HS3ST4: variants seen among roughly 807,000 people sequenced by gnomAD.
HS3ST4 encodes the protein heparan sulfate-glucosamine 3-sulfotransferase 4, also known as heparan sulfate glucosamine 3-O-sulfotransferase 4.
In HS3ST4, 17 loss-of-function variants were observed where a neutral mutation model predicts 29.2. The observed-to-expected ratio is 0.58, with a 90% CI of 0.40 to 0.87. The LOEUF is 0.87. HS3ST4 is among the 40% of genes least tolerant of loss of function. The pLI is 0.00. For synonymous variants in HS3ST4, 314 were observed against 285.7 expected, an observed-to-expected ratio of 1.10 and a Z score of -1.00; for missense variants, 627 against 634.5, an observed-to-expected ratio of 0.99 and a Z score of 0.13.
intron 1 of HS3ST4, among the ~76,000 whole-genome samples, chr16:26,084,193 A>G (rs1479273214): frequency 6.6e-6 from 1 of 152,082 alleles, no homozygotes; most frequent in Non-Finnish European, 1.5e-5. Flanking sequence ...CATCCTTCAG[A>G]TGTCTATGAG....
chr16:25,984,428 G>T (rs113895644), intron 1 of HS3ST4, among the ~76,000 whole-genome samples: 3,097 of 152,290 alleles, frequency 0.02, 123 homozygotes, highest in African/African-American at 0.071. Flanking sequence ...AGGAGGTGGA[G>T]CTCAGGGGAT....
chr16:26,078,202 A>G (rs4238939), intron 1 of HS3ST4, among the ~76,000 whole-genome samples: 89,037 of 151,862 alleles, frequency 0.59, 26,736 homozygotes, highest in Middle Eastern at 0.69. Context: ...GTGCAGTGGC[A>G]TGATCTCGGC....
intron 1 of HS3ST4, among the ~76,000 whole-genome samples, chr16:25,757,698 G>A (rs532685566): frequency 9.2e-5 from 14 of 151,846 alleles, no homozygotes; most frequent in Non-Finnish European, 1.6e-4. Context: ...CTTGTCAGGT[G>A]TCTAATTTAG....
chr16:25,753,111 G>T (rs1018154785), intron 1 of HS3ST4, among the ~76,000 whole-genome samples: 16 of 152,198 alleles, frequency 1.1e-4, no homozygotes, highest in Non-Finnish European at 1.0e-4. Context: ...CTGCCAAGGG[G>T]AAGTCAGTCT....
At chr16:26,073,589 T>C (rs1203395451) in intron 1 of HS3ST4, among the ~76,000 whole-genome samples, 5 of 152,164 alleles carry the variant, frequency 3.3e-5, no homozygotes, top group East Asian at 1.9e-4. Context: ...CCCAAGCTGG[T>C]CTCAAACTCC....
chr16:26,059,322 C>T (rs1898448057), intron 1 of HS3ST4, among the ~76,000 whole-genome samples: 1 of 151,844 alleles, frequency 6.6e-6, no homozygotes, highest in Non-Finnish European at 1.5e-5. Context: ...TCTCTCCTTG[C>T]CTCTCTCTCT....
intron 1 of HS3ST4, among the ~76,000 whole-genome samples, chr16:26,029,557 C>T (rs961897301): frequency 6.6e-6 from 1 of 152,142 alleles, no homozygotes; most frequent in Non-Finnish European, 1.5e-5. Flanking sequence ...GGGTTACAGG[C>T]ATGCGCCACC....
chr16:25,956,929 T>C (rs8059067), intron 1 of HS3ST4, among the ~76,000 whole-genome samples: 74,208 of 145,446 alleles, frequency 0.51, 18,846 homozygotes, highest in African/African-American at 0.6. Context: ...ACCCGGGAGG[T>C]GGAGCTTGCA....
At chr16:25,695,774 A>G (rs1199773577) in intron 1 of HS3ST4, among the ~76,000 whole-genome samples, 1 of 152,258 alleles carries the variant, frequency 6.6e-6, no homozygotes. Flanking sequence ...TTGACTGATT[A>G]GAGATCCACA....
chr16:25,980,124 C>T (rs1825313785), intron 1 of HS3ST4, among the ~76,000 whole-genome samples: 1 of 152,180 alleles, frequency 6.6e-6, no homozygotes, highest in Non-Finnish European at 1.5e-5. Context: ...TGACCTGGAG[C>T]TCCTAACTTA....
In HS3ST4 at chr16:26,067,508, C is replaced by A. The variant is rs1028244257; in HGVS notation, c.735-68104C>A. Reference sequence around the variant, plus strand: ...TAAGTATAGCATTCCCACCACCCCCCACCCCAGCCACCCCTGTGCCACCTC... The same window carrying A: ...TAAGTATAGCATTCCCACCACCCCCAACCCCAGCCACCCCTGTGCCACCTC... On this transcript the variant is annotated intron_variant, in intron 1 of 1. Transcript: ENST00000331351. 4.6e-5 allele frequency among the ~76,000 whole-genome samples: 7 copies of A among 152,238 alleles called. No individual in the cohort carries two copies. The East Asian group carries it at 1.4e-3, about 30-fold the overall frequency.
intron 1 of HS3ST4, among the ~76,000 whole-genome samples, chr16:25,964,660 C>G (rs1233015210): frequency 6.6e-6 from 1 of 152,154 alleles, no homozygotes; most frequent in Non-Finnish European, 1.5e-5. Flanking sequence ...TACGCTCAGT[C>G]CCTGTGAATC....
intron 1 of HS3ST4, among the ~76,000 whole-genome samples, chr16:25,876,752 A>G (rs547908457): frequency 1.4e-4 from 22 of 152,052 alleles, no homozygotes; most frequent in Admixed American, 1.2e-3. Flanking sequence ...GCTGGAGACT[A>G]CATATTTTTG....
intron 1 of HS3ST4, among the ~76,000 whole-genome samples, chr16:25,980,068 C>T (rs761154305): frequency 1.3e-5 from 2 of 152,160 alleles, no homozygotes; most frequent in Non-Finnish European, 2.9e-5. Context: ...TGTCCTCCTC[C>T]AATCTGTTCT....
At chr16:26,048,553 A>C (rs112460211) in intron 1 of HS3ST4, among the ~76,000 whole-genome samples, 2,332 of 152,328 alleles carry the variant, frequency 0.015, 61 homozygotes, top group African/African-American at 0.051. Context: ...GCAGTGGCTC[A>C]TGCCTAGAAT....
At chr16:25,798,490 C>A (rs958811764) in intron 1 of HS3ST4, among the ~76,000 whole-genome samples, 1 of 152,182 alleles carries the variant, frequency 6.6e-6, no homozygotes, top group South Asian at 2.1e-4. Flanking sequence ...ATATGGCAAT[C>A]ATACAATGAC....
At chr16:25,946,212 T>C (rs1968625046) in intron 1 of HS3ST4, among the ~76,000 whole-genome samples, 1 of 152,204 alleles carries the variant, frequency 6.6e-6, no homozygotes, top group African/African-American at 2.4e-5. Flanking sequence ...CAGGAGGCTT[T>C]TGGATTGTAA....
intron 1 of HS3ST4, among the ~76,000 whole-genome samples, chr16:25,966,113 A>G (rs1178303921): frequency 6.6e-6 from 1 of 152,214 alleles, no homozygotes; most frequent in Non-Finnish European, 1.5e-5. Flanking sequence ...TTTCATAGGA[A>G]TCCACTAAGA....
At chr16:25,848,404 T>G (rs1053824883) in intron 1 of HS3ST4, among the ~76,000 whole-genome samples, 2 of 152,164 alleles carry the variant, frequency 1.3e-5, no homozygotes, top group African/African-American at 4.8e-5. Flanking sequence ...CCTCCCAAAG[T>G]GCTGGGATTA....
Sources: gnomAD v4.1 joint callset for allele counts (sites outside exome capture counted in the v4.1 genomes callset) on GRCh38, gnomAD v4.1.1 for gene constraint, MANE v1.5 for transcripts, NCBI Gene and HGNC (gene_info 2026-07-23, HGNC 2026-07-21) for gene names.